Variants in PELP1 observed in about 807,000 individuals in gnomAD.
PELP1 encodes the protein proline-, glutamic acid- and leucine-rich protein 1.
Under a neutral mutation model 95.5 loss-of-function variants are expected in PELP1, and 32 were observed. The observed-to-expected ratio is 0.34, with a 90% CI of 0.25 to 0.45. The LOEUF (loss-of-function observed/expected upper bound fraction) is 0.45, where lower values mean the gene tolerates loss of function less well. Ranked by LOEUF, PELP1 falls within the 20% of genes least tolerant of loss-of-function variation. The pLI, the probability that PELP1 is intolerant of heterozygous loss-of-function variation, is 1.00. For synonymous variants in PELP1, 668 were observed against 600.1 expected (o/e 1.11, Z -1.65); for missense variants, 1,358 against 1,444.8 (o/e 0.94, Z 0.97).
chr17:4,674,545 T>C lies in PELP1; in HGVS notation c.1547A>G (p.Asn516Ser). 6.2e-7 allele frequency: 1 copy of C among 1,613,206 alleles called. No homozygotes were observed. The highest frequency in any genetic ancestry group is 8.5e-7 in the Non-Finnish European group (1 of 1,179,580). Residue 516 changes from asparagine to serine, a missense_variant, in exon 13 of 17, where the codon AAT (asparagine) becomes AGT (serine). Coordinates refer to ENST00000572293, the MANE Select transcript of PELP1 (RefSeq NM_014389.3). ...AGCCGCACACACGTCGCTGTTGGCATTGCTATCCCCTTTCCGGTGGCTTGG... is the reference window on the plus strand; with the variant it reads ...AGCCGCACACACGTCGCTGTTGGCACTGCTATCCCCTTTCCGGTGGCTTGG... ...APPSHRKGDS[N>S]ANSDVCAAAL...
At chr17:4,690,825 A>G (rs1913071360) in intron 3 of PELP1, 63 bp downstream of exon 3, 2 of 1,015,766 alleles carry the variant, frequency 2.0e-6, no homozygotes, top group East Asian at 4.8e-5. Context: ...AGAACATGCC[A>G]CATCCAAGAT....
intron 3 of PELP1, chr17:4,683,221 CTTTTT>C (rs34420450): frequency 4.7e-3 from 1,096 of 234,732 alleles, no homozygotes; most frequent in East Asian, 6.2e-3. Context: ...GAAGAGTTTT[CTTTTT>C]TTTTTTTTTT....
In PELP1 at chr17:4,672,995, G is replaced by A; in HGVS notation, c.1996C>T (p.His666Tyr). 6.4e-7 allele frequency: 1 copy of A among 1,558,004 alleles called. No homozygotes were observed. Among genetic ancestry groups the A allele is most frequent in the Non-Finnish European group, 8.7e-7 (1 of 1,153,048 alleles). Residue 666 changes from histidine (H) to tyrosine (Y), a missense_variant, in exon 16 of 17, where the codon CAT becomes TAT. By Grantham distance (83) the His-to-Tyr change is moderately conservative (BLOSUM62 2). This residue lies in a region of PELP1 where 340 missense variants were observed against 322.9 expected (regional missense o/e 1.05). Transcript: ENST00000572293. Reference sequence around the variant, plus strand: ...ACTGAGGGCATGGGGCCCGGAGGATGGAACGGTGGGGCCCTGAAGGGCGAT... The same window carrying A: ...ACTGAGGGCATGGGGCCCGGAGGATAGAACGGTGGGGCCCTGAAGGGCGAT... ...APSPFRAPPF[H>Y]PPGPMPSVGS...
chr17:4,687,863 A>C (rs1912961775), intron 3 of PELP1, among the ~76,000 whole-genome samples: 1 of 152,232 alleles, frequency 6.6e-6, no homozygotes, highest in Admixed American at 6.5e-5. Context: ...GAAAAAAATT[A>C]AAACGTTAAA....
rs1465512624 is a variant in PELP1, at chr17:4,672,586, G to T, written c.2405C>A (p.Pro802Gln). ...PEGLPPLPPP[P>Q]PSGATPPPIA... ...AGGGGGTGGTGTGGCACCTGAGGGT[G>T]GTGGGGGTGGCAGGGGGGGAAGCCC... is the stretch of plus-strand genomic sequence containing the variant. Residue 802 changes from proline to glutamine, a missense_variant, in exon 16 of 17, where the codon CCA (proline) becomes CAA (glutamine). Coordinates refer to ENST00000572293, the MANE Select transcript of PELP1 (RefSeq NM_014389.3). The T allele has an allele frequency of 1.3e-6, 2 of 1,591,804 alleles. No individual in the cohort carries two copies. The highest frequency in any genetic ancestry group is 1.7e-6 in the Non-Finnish European group (2 of 1,164,596).
intron 6 of PELP1, 30 bp downstream of exon 6, chr17:4,676,723 G>C: frequency 1.3e-6 from 2 of 1,544,922 alleles, no homozygotes; most frequent in East Asian, 4.8e-5. Flanking sequence ...TCAGATCCCC[G>C]GGCTCTCCCT....
rs538776705 is a variant in PELP1, at chr17:4,673,595, C to T, written c.1638+24G>A. ...AGAGCAGGGGCCCCTTCCCCTATCT[C>T]CACGGAGACGAGGCTCCACTAACCC... On this transcript the variant is annotated intron_variant, in intron 14 of 16. Coordinates refer to ENST00000572293, the MANE Select transcript of PELP1 (RefSeq NM_014389.3). The surrounding 1 kb of genome is among the most constrained non-coding windows in gnomAD (Gnocchi z 5.7). The T allele has an allele frequency of 1.9e-6, 3 of 1,611,362 alleles. No individual in the cohort carries two copies. Among genetic ancestry groups the T allele is most frequent in the South Asian group, 2.2e-5 (2 of 91,038 alleles).
At chr17:4,687,330 G>A (rs1274437391) in intron 3 of PELP1, among the ~76,000 whole-genome samples, 1 of 152,052 alleles carries the variant, frequency 6.6e-6, no homozygotes, top group Non-Finnish European at 1.5e-5. Context: ...AGATCATGAG[G>A]TCAGGAGATC....
chr17:4,703,800 C>T, intron 1 of PELP1, 63 bp downstream of exon 1: 1 of 1,433,208 alleles, frequency 7.0e-7, no homozygotes, highest in Non-Finnish European at 9.5e-7. Context: ...CACCGTAATC[C>T]CGGCGCACAG....
At chr17:4,676,873 A>C in intron 5 of PELP1, 61 bp from the exon 6 acceptor site, 2 of 1,277,088 alleles carry the variant, frequency 1.6e-6, no homozygotes, top group Non-Finnish European at 2.2e-6. Flanking sequence ...AGAGATGTAC[A>C]TCCCATCCGT....
chr17:4,698,013 T>G (rs1015147618), intron 1 of PELP1, among the ~76,000 whole-genome samples: 12 of 150,416 alleles, frequency 8.0e-5, no homozygotes, highest in Non-Finnish European at 1.6e-4. Context: ...GCAAGGTTTT[T>G]TTTTTTTTTT....
chr17:4,672,475 A>G lies in PELP1; in HGVS notation c.2516T>C (p.Leu839Pro). ...PEELPAAPGP[L>P]PPPPPPPPPV... is the part of the protein sequence containing the mutation. ...CGGCGGCGGAGGTGGGGGTGGCGGG[A>G]GAGGCCCTGGGGCTGCAGGAAGTTC... The change falls in exon 16 of 17, where the codon CTC (leucine) becomes CCC (proline). Residue 839 changes from leucine (L) to proline (P), a missense_variant. Physicochemically the swap from Leu to Pro is moderately conservative, Grantham distance 98 (BLOSUM62 -3). Transcript: ENST00000572293. 1 of 1,566,664 alleles carries G rather than the reference A, an allele frequency of 6.4e-7. No individual in the cohort carries two copies. Among genetic ancestry groups the G allele is most frequent in the Non-Finnish European group, 8.6e-7 (1 of 1,157,708 alleles).
chr17:4,677,513 G>C (rs989672338), intron 5 of PELP1, among the ~76,000 whole-genome samples: 3 of 152,202 alleles, frequency 2.0e-5, no homozygotes, highest in African/African-American at 7.2e-5. Context: ...GTCACTAATA[G>C]AATCATTTTC....
chr17:4,699,897 ATT>A (rs34806511), intron 1 of PELP1, among the ~76,000 whole-genome samples: 3 of 86,748 alleles, frequency 3.5e-5, no homozygotes, highest in South Asian at 4.5e-4. Flanking sequence ...CTAGAGGGTG[ATT>A]TTTTTTTTTT....
chr17:4,703,813 G>A, intron 1 of PELP1, 50 bp downstream of exon 1: 1 of 1,503,214 alleles, frequency 6.7e-7, no homozygotes, highest in Non-Finnish European at 9.1e-7. Context: ...GCGCACAGGT[G>A]CCGCGCCATC....
At position 4,676,055 on chromosome 17, in the gene PELP1, A is replaced by G. The variant is rs1210059865; in HGVS notation, c.961T>C (p.Cys321Arg). ...ACACACCTGAGCATGAGCCCTAGGC[A>G]GCGGGCCAGTCCCGAAAACCTCTGC... ...LRQRFSGLAR[C>R]LGLMLSSEFG... The change falls in exon 8 of 17, where the codon TGC (cysteine) becomes CGC (arginine). Residue 321 changes from cysteine (C) to arginine (R), a missense_variant. Physicochemically the swap from Cys to Arg is radical, Grantham distance 180. Coordinates refer to ENST00000572293, the MANE Select transcript of PELP1 (RefSeq NM_014389.3). The G allele has an allele frequency of 6.2e-7, 1 of 1,613,794 alleles. No individual in the cohort carries two copies. Among genetic ancestry groups the G allele is most frequent in the Non-Finnish European group, 8.5e-7 (1 of 1,179,876 alleles).
At chr17:4,676,936 C>A (rs1049279137) in intron 5 of PELP1, 124 bp from the exon 6 acceptor site, 2 of 701,920 alleles carry the variant, frequency 2.8e-6, no homozygotes, top group Non-Finnish European at 4.9e-6. Flanking sequence ...ACACAAGAAG[C>A]AAAGCCCTCT....
chr17:4,691,467 G>C (rs200041575), intron 1 of PELP1, 25 bp from the exon 2 acceptor site: 2 of 1,586,062 alleles, frequency 1.3e-6, no homozygotes, highest in Non-Finnish European at 8.7e-7. Context: ...ACAGGGAAGC[G>C]AGTCACAAAC....
Position 4,675,910 on chromosome 17 carries a change from C to A in PELP1, c.981-26G>T. The A allele has an allele frequency of 1.3e-6, 2 of 1,579,414 alleles. No homozygotes were observed. The highest frequency in any genetic ancestry group is 2.3e-5 in the South Asian group (2 of 87,888). On this transcript the variant is annotated intron_variant, in intron 8 of 16. Coordinates refer to ENST00000572293, the MANE Select transcript of PELP1 (RefSeq NM_014389.3). The surrounding 1 kb of genome is among the most constrained non-coding windows in gnomAD (Gnocchi z 4.3). ...CTAAAGAGAATCAGAGCAGGGAGAC[C>A]TTCAGAGCAGGCTCCCTGGCATAAC...
Sources: gnomAD v4.1 joint callset for allele counts (sites outside exome capture counted in the v4.1 genomes callset) on GRCh38, gnomAD v4.1.1 for gene constraint, gnomAD v4.1.1 regional missense constraint, Gnocchi (gnomAD v3.1) non-coding constraint, MANE v1.5 for transcripts, NCBI Gene and HGNC (gene_info 2026-07-23, HGNC 2026-07-21) for gene names.